Variants in TNFSF13B observed in about 807,000 individuals in gnomAD.
TNFSF13B encodes the protein TNF superfamily member 13b, also known as tumor necrosis factor ligand superfamily member 13B.
Under a neutral mutation model 29.1 loss-of-function variants are expected in TNFSF13B, and 8 were observed. That is an observed-to-expected ratio of 0.27 (90% confidence interval 0.16 to 0.50). TNFSF13B has a LOEUF of 0.50. Among genes scored for constraint, TNFSF13B ranks in the 20% least tolerant of loss-of-function variants. The probability of loss-of-function intolerance (pLI) is 0.98; values close to 1 mark genes in which losing one functional copy is unlikely to be tolerated. For synonymous variants in TNFSF13B, 125 were observed against 130.8 expected (o/e 0.96, Z 0.30); for missense variants, 248 against 334.9 (o/e 0.74, Z 2.03).
upstream of TNFSF13B, chr13:108,269,712 T>C (rs1006614392): frequency 3.8e-5 from 23 of 600,278 alleles, no homozygotes; most frequent in Admixed American, 9.4e-5. Flanking sequence ...AAACCTACTG[T>C]ACAGTAGGGG....
intron 2 of TNFSF13B, among the ~76,000 whole-genome samples, chr13:108,272,348 T>C (rs1880642798): frequency 6.6e-6 from 1 of 152,148 alleles, no homozygotes; most frequent in Non-Finnish European, 1.5e-5. Context: ...TTTTTTTACT[T>C]GAACATTTTG....
intron 3 of TNFSF13B, among the ~76,000 whole-genome samples, chr13:108,302,535 A>C (rs966349744): frequency 1.2e-5 from 1 of 81,430 alleles, no homozygotes; most frequent in African/African-American, 6.8e-5. Context: ...TCAGCAATGT[A>C]GTCCCCCCAT....
At chr13:108,270,497 T>G in intron 2 of TNFSF13B, 73 bp downstream of exon 2, 1 of 1,379,616 alleles carries the variant, frequency 7.2e-7, no homozygotes. Flanking sequence ...GAGCTGGAGG[T>G]GAGTATCCCC....
At chr13:108,271,062 T>G (rs1270311376) in intron 2 of TNFSF13B, among the ~76,000 whole-genome samples, 2 of 152,148 alleles carry the variant, frequency 1.3e-5, no homozygotes, top group African/African-American at 4.8e-5. Context: ...AATCGTCCTT[T>G]ACTGATTTCT....
At chr13:108,302,744 G>A in intron 3 of TNFSF13B, 1 of 844,526 alleles carries the variant, frequency 1.2e-6, no homozygotes, top group Non-Finnish European at 1.4e-6. Context: ...AGTAAAGGTT[G>A]TGTCTTAGTC....
intron 3 of TNFSF13B, among the ~76,000 whole-genome samples, chr13:108,302,340 T>C (rs1371912399): frequency 6.6e-6 from 1 of 152,200 alleles, no homozygotes; most frequent in Non-Finnish European, 1.5e-5. Flanking sequence ...CTCAATCTTC[T>C]TTTTATTCAT....
Position 108,270,138 on chromosome 13 carries a change from A to G in TNFSF13B, c.243A>G (p.Ala81=). ...ALQGDLASLR[A]ELQGHHAEKL... ...AAGGGGACCTGGCCAGCCTCCGGGC[A>G]GAGCTGCAGGGCCACCACGCGGAGA... The change falls in exon 1 of 6, where the codon GCA becomes GCG. Residue 81 remains alanine, a synonymous_variant. Coordinates refer to ENST00000375887, the MANE Select transcript of TNFSF13B (RefSeq NM_006573.5). The G allele has an allele frequency of 6.2e-7, 1 of 1,602,368 alleles. No homozygotes were observed. Among genetic ancestry groups the G allele is most frequent in the Non-Finnish European group, 8.5e-7 (1 of 1,179,916 alleles).
intron 3 of TNFSF13B, among the ~76,000 whole-genome samples, chr13:108,299,441 G>A (rs1056133863): frequency 8.9e-6 from 1 of 112,414 alleles, no homozygotes; most frequent in Non-Finnish European, 2.0e-5. Context: ...GTTAATGGAT[G>A]TGGACTGCAG....
chr13:108,304,555 C>G (rs1032850268), intron 5 of TNFSF13B, among the ~76,000 whole-genome samples: 1 of 152,080 alleles, frequency 6.6e-6, no homozygotes, highest in Non-Finnish European at 1.5e-5. Context: ...TAAAATTAAT[C>G]CAGGCTGGTT....
chr13:108,275,162 T>G (rs1880730453), intron 2 of TNFSF13B, among the ~76,000 whole-genome samples: 1 of 152,122 alleles, frequency 6.6e-6, no homozygotes, highest in Non-Finnish European at 1.5e-5. Context: ...CCCGTAACTG[T>G]GTTTGGAGAT....
At chr13:108,294,540 T>C (rs915753913) in intron 3 of TNFSF13B, among the ~76,000 whole-genome samples, 1 of 151,848 alleles carries the variant, frequency 6.6e-6, no homozygotes, top group African/African-American at 2.4e-5. Context: ...ACTACTCTCC[T>C]TGCATTTGGA....
In TNFSF13B at chr13:108,307,878, T is replaced by G. The variant is rs1277508678; in HGVS notation, c.*940T>G. 6.6e-6 allele frequency: 1 copy of G among 152,100 alleles called. No homozygotes were observed. Among genetic ancestry groups the G allele is most frequent in the Admixed American group, 6.6e-5 (1 of 15,246 alleles). The allele number at this position is 152,100 out of a possible 1,614,324, so 9.4% of individuals were successfully genotyped here. On this transcript the variant is annotated 3_prime_UTR_variant, in exon 6 of 6. Transcript: ENST00000375887. ...ATCCCAACCTTTAAAAATATTCCTC[T>G]TATTAGCTTTATATTCACTTTATAG...
chr13:108,278,909 T>C (rs1397785082), intron 2 of TNFSF13B, among the ~76,000 whole-genome samples: 1 of 152,136 alleles, frequency 6.6e-6, no homozygotes, highest in Admixed American at 6.6e-5. Flanking sequence ...CACAACTACT[T>C]ACTTTAAAAA....
Position 108,269,933 on chromosome 13 carries a change from C to A in TNFSF13B, c.38C>A (p.Thr13Asn), listed in dbSNP as rs764282637. The change falls in exon 1 of 6, where the codon ACT becomes AAT. Residue 13 changes from threonine to asparagine, a missense_variant. By Grantham distance (65) the Thr-to-Asn change is moderately conservative. Coordinates refer to ENST00000375887, the MANE Select transcript of TNFSF13B (RefSeq NM_006573.5). ...ACAGAAAGGGAGCAGTCACGCCTTACTTCTTGCCTTAAGAAAAGAGAAGAA... is the reference window on the plus strand; with the variant it reads ...ACAGAAAGGGAGCAGTCACGCCTTAATTCTTGCCTTAAGAAAAGAGAAGAA... ...DSTEREQSRL[T>N]SCLKKREEMK... The A allele has an allele frequency of 1.1e-5, 18 of 1,613,270 alleles. No homozygotes were observed. Among genetic ancestry groups the A allele is most frequent in the Non-Finnish European group, 1.4e-5 (16 of 1,179,886 alleles).
rs1330278778 is a variant in TNFSF13B, at chr13:108,270,440, A to G, written c.424+16A>G. 6.2e-7 allele frequency: 1 copy of G among 1,611,606 alleles called. No homozygotes were observed. The highest frequency in any genetic ancestry group is 1.7e-5 in the Admixed American group (1 of 60,012). ...GAAGAAACAGGTATGTTTTGGGCAC[A>G]GACACTTTTAGGAGTCAGGGATTAG... On this transcript the variant is annotated intron_variant, in intron 2 of 5. Coordinates refer to ENST00000375887, the MANE Select transcript of TNFSF13B (RefSeq NM_006573.5).
At position 108,307,141 on chromosome 13, in the gene TNFSF13B, T is replaced by A. The variant is rs1881801751; in HGVS notation, c.*203T>A. 2.1e-6 allele frequency: 1 copy of A among 467,864 alleles called. No individual in the cohort carries two copies. Among genetic ancestry groups the A allele is most frequent in the African/African-American group, 2.1e-5 (1 of 47,482 alleles). 29.0% of individuals were successfully genotyped at this position (467,864 alleles called of 1,614,324 possible). ...TTAACAGACAGCCACAGCCAAAGAGTGTCATGTGAATTACAAGAAATAGAG... is the reference window on the plus strand; with the variant it reads ...TTAACAGACAGCCACAGCCAAAGAGAGTCATGTGAATTACAAGAAATAGAG... On this transcript the variant is annotated 3_prime_UTR_variant, in exon 6 of 6. Coordinates refer to ENST00000375887, the MANE Select transcript of TNFSF13B (RefSeq NM_006573.5).
At position 108,273,920 on chromosome 13, in the gene TNFSF13B, T is replaced by C. The variant is rs536936427; in HGVS notation, c.424+3496T>C. ...TTTCTTCCACTTTCCACCCTTGAGATAGCAAGACCAACGCCTCCTTTCCCT... is the reference window on the plus strand; with the variant it reads ...TTTCTTCCACTTTCCACCCTTGAGACAGCAAGACCAACGCCTCCTTTCCCT... On this transcript the variant is annotated intron_variant, in intron 2 of 5. Coordinates refer to ENST00000375887, the MANE Select transcript of TNFSF13B (RefSeq NM_006573.5). 1.2e-3 allele frequency among the ~76,000 whole-genome samples: 181 copies of C among 152,196 alleles called. 1 individual carries two copies. Among genetic ancestry groups the C allele is most frequent in the Non-Finnish European group, 1.3e-4 (9 of 67,994 alleles).
At chr13:108,303,154 G>T in intron 3 of TNFSF13B, 99 bp from the exon 4 acceptor site, 9 of 772,420 alleles carry the variant, frequency 1.2e-5, no homozygotes, top group South Asian at 4.3e-5. Context: ...TTTTAGGATG[G>T]AATTATCTTC....
At chr13:108,291,287 T>A (rs950867451) in intron 3 of TNFSF13B, among the ~76,000 whole-genome samples, 1 of 151,886 alleles carries the variant, frequency 6.6e-6, no homozygotes, top group African/African-American at 2.4e-5. Context: ...ATACGTGCTA[T>A]TTTTGTTGAA....
Sources: gnomAD v4.1 joint callset for allele counts (sites outside exome capture counted in the v4.1 genomes callset) on GRCh38, gnomAD v4.1.1 for gene constraint, MANE v1.5 for transcripts, NCBI Gene and HGNC (gene_info 2026-07-23, HGNC 2026-07-21) for gene names.